The following RNF32 variants were observed in gnomAD, a reference collection of about 807,000 sequenced individuals.
RNF32 encodes the protein ring finger protein 32.
A neutral mutation model predicts 41.0 loss-of-function variants in RNF32; 36 were observed. That is an observed-to-expected ratio of 0.88 (90% CI 0.67 to 1.16). RNF32 has a LOEUF of 1.16. RNF32 is among the 50% of genes most tolerant of loss of function. The pLI, the probability that RNF32 is intolerant of heterozygous loss-of-function variation, is 0.00. For synonymous variants in RNF32, 154 were observed against 160.9 expected (o/e 0.96, Z 0.32); for missense variants, 413 against 436.7 (o/e 0.95, Z 0.48).
chr7:156,653,202 AC>A (rs1469288980), intron 3 of RNF32, among the ~76,000 whole-genome samples: 1 of 152,104 alleles, frequency 6.6e-6, no homozygotes, highest in African/African-American at 2.4e-5. Flanking sequence ...TTTTTACTAT[AC>A]CTTTTCCATG....
chr7:156,656,983 G>A (rs1175048694), intron 4 of RNF32, among the ~76,000 whole-genome samples: 2 of 152,230 alleles, frequency 1.3e-5, no homozygotes, highest in Non-Finnish European at 2.9e-5. Flanking sequence ...TCACTGTTTA[G>A]TGGGGAATTT....
Position 156,658,529 on chromosome 7 carries a change from C to G in RNF32, c.643C>G (p.Pro215Ala). Residue 215 changes from proline to alanine, a missense_variant, in exon 7 of 9, where the codon CCC becomes GCC. Physicochemically the swap from Pro to Ala is conservative, Grantham distance 27 (BLOSUM62 -1). Coordinates refer to ENST00000317955, the MANE Select transcript of RNF32 (RefSeq NM_030936.4). Reference protein sequence around the residue: ...WYRNLRKTVPPTDAKLRKKFF... With the variant: ...WYRNLRKTVPATDAKLRKKFF... ...CAGAAACCTGAGGAAAACAGTACCTCCCACAGATGCCAAGTTAAGAAAAAA... is the reference window on the plus strand; with the variant it reads ...CAGAAACCTGAGGAAAACAGTACCTGCCACAGATGCCAAGTTAAGAAAAAA... 1 of 1,613,272 alleles carries G rather than the reference C, an allele frequency of 6.2e-7. No homozygotes were observed. The highest frequency in any genetic ancestry group is 8.5e-7 in the Non-Finnish European group (1 of 1,179,332).
chr7:156,668,712 G>A (rs949453470), intron 7 of RNF32, among the ~76,000 whole-genome samples: 6 of 152,160 alleles, frequency 3.9e-5, no homozygotes, highest in Admixed American at 6.5e-5. Flanking sequence ...CTTGCTACAC[G>A]GGAGCTCTCT....
intron 6 of RNF32, 86 bp downstream of exon 6, chr7:156,658,338 C>G: frequency 6.3e-7 from 1 of 1,576,964 alleles, no homozygotes; most frequent in Non-Finnish European, 8.7e-7. Context: ...GGGATTTTAT[C>G]TCTCTTCTTG....
chr7:156,646,209 C>T (rs187307765), intron 3 of RNF32, among the ~76,000 whole-genome samples: 5 of 152,320 alleles, frequency 3.3e-5, no homozygotes, highest in Admixed American at 3.3e-4. Flanking sequence ...CCCAGTGCTG[C>T]CACAAGCAAT....
chr7:156,659,268 AC>A (rs1800232352), intron 7 of RNF32: 1 of 1,028,830 alleles, frequency 9.7e-7, no homozygotes, highest in Non-Finnish European at 1.2e-6. Flanking sequence ...ATGGCCCAGC[AC>A]ACAGTAGGTG....
intron 1 of RNF32, among the ~76,000 whole-genome samples, chr7:156,641,218 G>C (rs991399183): frequency 6.6e-6 from 1 of 152,212 alleles, no homozygotes; most frequent in Non-Finnish European, 1.5e-5. Flanking sequence ...GGTCAGCGGG[G>C]TTCAGAAGGC....
intron 3 of RNF32, among the ~76,000 whole-genome samples, chr7:156,645,840 A>G (rs1258752771): frequency 6.6e-6 from 1 of 152,272 alleles, no homozygotes; most frequent in Non-Finnish European, 1.5e-5. Context: ...ACAAAAATCA[A>G]TAAAAATAGC....
intron 7 of RNF32, chr7:156,658,983 A>G (rs943222222): frequency 1.9e-5 from 29 of 1,505,678 alleles, no homozygotes; most frequent in Non-Finnish European, 2.5e-5. Context: ...AAGCCCCCAC[A>G]TGCTACCATT....
chr7:156,665,177 T>C (rs1329630552), intron 7 of RNF32, among the ~76,000 whole-genome samples: 1 of 152,216 alleles, frequency 6.6e-6, no homozygotes, highest in African/African-American at 2.4e-5. Context: ...TTCCTAGTAA[T>C]ACGGCCATTA....
At chr7:156,644,814 G>T in intron 3 of RNF32, 57 bp downstream of exon 3, 1 of 1,503,072 alleles carries the variant, frequency 6.7e-7, no homozygotes, top group East Asian at 2.3e-5. Flanking sequence ...AATCTATTGA[G>T]ATTAATAGTA....
chr7:156,660,119 C>T (rs1257893487), intron 7 of RNF32: 3 of 985,700 alleles, frequency 3.0e-6, no homozygotes, highest in South Asian at 9.4e-5. Context: ...CCTCATCGCT[C>T]GGAACGCCCC....
chr7:156,674,976 C>G (rs60405374), intron 7 of RNF32, among the ~76,000 whole-genome samples: 2,087 of 152,206 alleles, frequency 0.014, 38 homozygotes, highest in African/African-American at 0.047. Flanking sequence ...AACAATATAC[C>G]CTTTTCCCCT....
intron 1 of RNF32, among the ~76,000 whole-genome samples, chr7:156,641,936 C>T (rs1416184288): frequency 6.6e-6 from 1 of 152,192 alleles, no homozygotes; most frequent in Non-Finnish European, 1.5e-5. Context: ...TCATCAAAGC[C>T]TCCAGGACTT....
chr7:156,641,915 A>G (rs1356235225), intron 1 of RNF32, among the ~76,000 whole-genome samples: 1 of 152,224 alleles, frequency 6.6e-6, no homozygotes, highest in Non-Finnish European at 1.5e-5. Flanking sequence ...AAAGGGCTGT[A>G]GTAAGAACCA....
At chr7:156,660,119 CG>C in intron 7 of RNF32, 3 of 985,818 alleles carry the variant, frequency 3.0e-6, no homozygotes, top group Non-Finnish European at 3.6e-6. Context: ...CCTCATCGCT[CG>C]GAACGCCCCG....
At chr7:156,674,665 T>C (rs959735351) in intron 7 of RNF32, among the ~76,000 whole-genome samples, 1 of 152,110 alleles carries the variant, frequency 6.6e-6, no homozygotes, top group Non-Finnish European at 1.5e-5. Context: ...CAGAGCGAGA[T>C]GCTGTCTCCA....
chr7:156,646,673 C>A (rs577611020), intron 3 of RNF32: 1 of 393,284 alleles, frequency 2.5e-6, no homozygotes, highest in Admixed American at 3.9e-5. Flanking sequence ...CCTTCACTTA[C>A]ATTTGTTGTC....
intron 7 of RNF32, among the ~76,000 whole-genome samples, chr7:156,664,199 C>T (rs777974973): frequency 1.3e-5 from 2 of 152,370 alleles, no homozygotes; most frequent in South Asian, 2.1e-4. Context: ...CGGTGGCTCA[C>T]GCCTGTAATC....
Sources: allele counts gnomAD v4.1 joint callset (sites outside exome capture counted in the v4.1 genomes callset), GRCh38; gene constraint gnomAD v4.1.1; transcripts MANE v1.5; gene names NCBI Gene and HGNC (gene_info 2026-07-23, HGNC 2026-07-21).